Variants in GALNT13 observed in about 807,000 individuals in gnomAD.
The protein encoded by GALNT13 is UDP-GalNAc:polypeptide N-acetylgalactosaminyltransferase 13.
In GALNT13, 28 loss-of-function variants were observed where a neutral mutation model predicts 64.2. That is an observed-to-expected ratio of 0.44 (90% CI 0.32 to 0.60). The LOEUF (loss-of-function observed/expected upper bound fraction) is 0.60, where lower values mean the gene tolerates loss of function less well. Ranked by LOEUF, GALNT13 falls within the 20% of genes least tolerant of loss-of-function variation. The pLI, the probability that GALNT13 is intolerant of heterozygous loss-of-function variation, is 0.05. For synonymous variants in GALNT13, 214 were observed against 224.6 expected, an observed-to-expected ratio of 0.95 and a Z score of 0.42; for missense variants, 577 against 669.8, an observed-to-expected ratio of 0.86 and a Z score of 1.53.
the GALNT13 span, among the ~76,000 whole-genome samples, chr2:153,856,662 C>A: frequency 6.6e-6 from 1 of 152,096 alleles, no homozygotes. Flanking sequence ...AATTTCCATA[C>A]ACTCTGAACA....
the GALNT13 span, among the ~76,000 whole-genome samples, chr2:153,070,993 T>C: frequency 1.3e-5 from 2 of 152,194 alleles, no homozygotes; most frequent in African/African-American, 4.8e-5. Context: ...ATTATTATTT[T>C]TTTATTTAGC....
At chr2:153,265,344 G>T in the GALNT13 span, among the ~76,000 whole-genome samples, 1 of 152,148 alleles carries the variant, frequency 6.6e-6, no homozygotes, top group East Asian at 1.9e-4. Context: ...AGGAACTCAG[G>T]TCTGATGGCT....
chr2:153,896,081 A>ATATATATATATATATATATTTTTTT (rs1574065409), intron 1 of GALNT13, among the ~76,000 whole-genome samples: 2 of 136,878 alleles, frequency 1.5e-5, no homozygotes, highest in Non-Finnish European at 1.6e-5. Context: ...ATGATTTTAT[A>ATATATATATATATATATATTTTTTT]TTTTTATGTT....
the GALNT13 span, among the ~76,000 whole-genome samples, chr2:153,181,853 GTATAT>G: frequency 7.7e-5 from 11 of 143,532 alleles, no homozygotes; most frequent in African/African-American, 2.6e-4. Flanking sequence ...AATTATATAA[GTATAT>G]TATATAAGTA....
the GALNT13 span, among the ~76,000 whole-genome samples, chr2:153,562,374 T>G: frequency 6.6e-6 from 1 of 152,124 alleles, no homozygotes; most frequent in African/African-American, 2.4e-5. Flanking sequence ...GGATTTTATT[T>G]GATAGTGACA....
the GALNT13 span, among the ~76,000 whole-genome samples, chr2:153,640,370 G>C: frequency 2.0e-5 from 3 of 152,226 alleles, no homozygotes; most frequent in Non-Finnish European, 4.4e-5. Context: ...CTGTTTTTGA[G>C]AAAGATTTCA....
chr2:154,236,144 AGTAAATATT>A (rs1689179753), intron 4 of GALNT13: 1 of 1,122,908 alleles, frequency 8.9e-7, no homozygotes, highest in Non-Finnish European at 1.1e-6. Flanking sequence ...CTTTCGTGAC[AGTAAATATT>A]GTCTTCTTGC....
the GALNT13 span, among the ~76,000 whole-genome samples, chr2:153,601,080 G>C: frequency 5.3e-5 from 8 of 151,806 alleles, no homozygotes; most frequent in South Asian, 1.2e-3. Flanking sequence ...AACCAAAGAT[G>C]GTGGTGGTTA....
intron 2 of GALNT13, among the ~76,000 whole-genome samples, chr2:153,916,541 C>T (rs1558851623): frequency 6.6e-6 from 1 of 151,998 alleles, no homozygotes; most frequent in African/African-American, 2.4e-5. Flanking sequence ...GATCTCAGTT[C>T]AGCAAATACT....
chr2:153,768,407 TTATTG>T, the GALNT13 span, among the ~76,000 whole-genome samples: 1 of 152,216 alleles, frequency 6.6e-6, no homozygotes, highest in Non-Finnish European at 1.5e-5. Context: ...TCCCGTACTA[TTATTG>T]TATTGCTATC....
chr2:153,888,638 G>A (rs1330016434), intron 1 of GALNT13, among the ~76,000 whole-genome samples: 1 of 151,782 alleles, frequency 6.6e-6, no homozygotes, highest in Non-Finnish European at 1.5e-5. Context: ...ATAAAATTTT[G>A]TTACAAGCTT....
At chr2:153,129,455 G>C in the GALNT13 span, among the ~76,000 whole-genome samples, 1 of 152,054 alleles carries the variant, frequency 6.6e-6, no homozygotes, top group Admixed American at 6.6e-5. Flanking sequence ...TCAGATTGGA[G>C]GTAAGGTAGA....
intron 1 of GALNT13, among the ~76,000 whole-genome samples, chr2:153,875,124 A>G (rs977969063): frequency 1.3e-5 from 2 of 151,906 alleles, no homozygotes; most frequent in South Asian, 4.2e-4. Flanking sequence ...ATATATATAT[A>G]TATATGAGAT....
chr2:153,383,661 C>G, the GALNT13 span, among the ~76,000 whole-genome samples: 4 of 151,982 alleles, frequency 2.6e-5, no homozygotes, highest in African/African-American at 7.2e-5. Flanking sequence ...ATTAATTCAT[C>G]TAAATTGTCT....
chr2:153,070,755 A>T, the GALNT13 span, among the ~76,000 whole-genome samples: 1 of 152,182 alleles, frequency 6.6e-6, no homozygotes, highest in African/African-American at 2.4e-5. Flanking sequence ...CTTTGGAGAG[A>T]CAAGCTGCAC....
chr2:153,128,968 C>T, the GALNT13 span, among the ~76,000 whole-genome samples: 4 of 152,238 alleles, frequency 2.6e-5, no homozygotes, highest in African/African-American at 9.6e-5. Context: ...CAGGTCCCTC[C>T]CACAACATGT....
At chr2:153,792,970 C>CTTTTTTTTTTTT in the GALNT13 span, among the ~76,000 whole-genome samples, 2 of 132,258 alleles carry the variant, frequency 1.5e-5, no homozygotes, top group Non-Finnish European at 1.6e-5. Context: ...TTCTTTCTTT[C>CTTTTTTTTTTTT]TTTTTTTTTT....
At chr2:154,408,531 A>T (rs1404450068) in intron 10 of GALNT13, among the ~76,000 whole-genome samples, 1 of 152,108 alleles carries the variant, frequency 6.6e-6, no homozygotes, top group Non-Finnish European at 1.5e-5. Context: ...GTAATGAAGC[A>T]ATCTAAAAAG....
At chr2:153,242,101 CT>C in the GALNT13 span, among the ~76,000 whole-genome samples, 1 of 152,134 alleles carries the variant, frequency 6.6e-6, no homozygotes, top group African/African-American at 2.4e-5. Context: ...AATTAAAAGC[CT>C]TTGCAAGCTT....
Sources: gnomAD v4.1 joint callset for allele counts (sites outside exome capture counted in the v4.1 genomes callset) on GRCh38, gnomAD v4.1.1 for gene constraint, MANE v1.5 for transcripts, NCBI Gene and HGNC (gene_info 2026-07-23, HGNC 2026-07-21) for gene names.